LYG2: variants seen among roughly 807,000 people sequenced by gnomAD.
LYG2 encodes lysozyme g-like protein 2.
Under a neutral mutation model 22.4 loss-of-function variants are expected in LYG2, and 25 were observed. The ratio of observed to expected loss-of-function variants is 1.12; its 90% CI spans 0.81 to 1.56. LYG2 has a LOEUF of 1.56. LYG2 is among the 40% of genes most tolerant of loss of function. The pLI is 0.00. For missense variants in LYG2, 266 were observed against 269.5 expected (o/e 0.99, Z 0.09); for synonymous variants, 88 against 97.0 (o/e 0.91, Z 0.55).
chr2:99,261,025 G>C, the LYG2 span, among the ~76,000 whole-genome samples: 5 of 152,158 alleles, frequency 3.3e-5, no homozygotes, highest in Non-Finnish European at 4.4e-5. Context: ...GATGAGTGGG[G>C]TTTACATATG....
At chr2:99,250,431 G>C (rs962858981) in intron 3 of LYG2, among the ~76,000 whole-genome samples, 1 of 143,486 alleles carries the variant, frequency 7.0e-6, no homozygotes, top group African/African-American at 2.6e-5. Context: ...CTGCAGTACA[G>C]TGGTGCGATC....
intron 3 of LYG2, among the ~76,000 whole-genome samples, chr2:99,248,796 G>T (rs1379933816): frequency 4.0e-5 from 6 of 150,864 alleles, no homozygotes; most frequent in Admixed American, 2.0e-4. Flanking sequence ...AAACCAATTT[G>T]CCTTTGTTTA....
chr2:99,252,772 C>T (rs777916443), intron 3 of LYG2, among the ~76,000 whole-genome samples: 66 of 152,130 alleles, frequency 4.3e-4, no homozygotes, highest in Admixed American at 3.6e-3. Context: ...CTGGGCCGGG[C>T]GTGGTGGCTC....
chr2:99,248,876 T>C (rs1322418508), intron 3 of LYG2, among the ~76,000 whole-genome samples: 1 of 152,104 alleles, frequency 6.6e-6, no homozygotes, highest in African/African-American at 2.4e-5. Context: ...ACTGTGAAGT[T>C]GAGTTCCTAT....
intron 2 of LYG2, among the ~76,000 whole-genome samples, chr2:99,254,781 C>T (rs1339013198): frequency 6.6e-6 from 1 of 152,110 alleles, no homozygotes; most frequent in African/African-American, 2.4e-5. Context: ...GCGATCCTCC[C>T]ACCTCAGCCT....
intron 4 of LYG2, among the ~76,000 whole-genome samples, chr2:99,246,122 T>A (rs1184033419): frequency 6.6e-6 from 1 of 152,042 alleles, no homozygotes; most frequent in African/African-American, 2.4e-5. Context: ...ACAAAAAAAA[T>A]TCTGCCACAC....
At position 99,244,009 on chromosome 2, in the gene LYG2, C is replaced by T; in HGVS notation, c.510G>A (p.Gln170=). 6.2e-7 allele frequency: 1 copy of T among 1,614,076 alleles called. No individual in the cohort carries two copies. The highest frequency in any genetic ancestry group is 8.5e-7 in the Non-Finnish European group (1 of 1,179,986). The change falls in exon 6 of 7, where the codon CAG becomes CAA. Residue 170 remains glutamine, a synonymous_variant. Transcript: ENST00000333017. ...QKKFPTWSVA[Q]HLKGGLSAFK... ...CAGAATACAGCCTACCTTTGAGGTG[C>T]TGAGCAACACTCCACGTGGGGAATT...
chr2:99,251,950 C>T (rs1413216210), intron 3 of LYG2, among the ~76,000 whole-genome samples: 1 of 102,294 alleles, frequency 9.8e-6, no homozygotes, highest in Non-Finnish European at 2.2e-5. Flanking sequence ...TGCCTGCCAC[C>T]ACACCTGGCT....
intron 3 of LYG2, among the ~76,000 whole-genome samples, chr2:99,248,703 T>C (rs1262091265): frequency 6.6e-6 from 1 of 150,422 alleles, no homozygotes; most frequent in Admixed American, 6.6e-5. Context: ...CTGCACATTG[T>C]GCACATGTAC....
chr2:99,254,217 C>A lies in LYG2; in HGVS notation c.43+1G>T, dbSNP rs2094031923. 1 of 1,613,556 alleles carries A rather than the reference C, an allele frequency of 6.2e-7. No individual in the cohort carries two copies. Among genetic ancestry groups the A allele is most frequent in the South Asian group, 1.1e-5 (1 of 91,072 alleles). On this transcript the variant is annotated splice_donor_variant, in intron 3 of 6. Transcript: ENST00000333017. LOFTEE classifies it high-confidence loss of function. Reference sequence around the variant, plus strand: ...ATGCTAAATCTCAGCCAGTGACTTACCAATGAGGGCAATTAGTCCCCAAAA... The same window carrying A: ...ATGCTAAATCTCAGCCAGTGACTTAACAATGAGGGCAATTAGTCCCCAAAA...
upstream of LYG2, among the ~76,000 whole-genome samples, chr2:99,257,545 T>C (rs540159217): frequency 3.3e-4 from 51 of 152,358 alleles, no homozygotes; most frequent in South Asian, 2.1e-3. Context: ...ACATGTAAGT[T>C]GTACTGTTAT....
rs1343492766 is a variant in LYG2, at chr2:99,243,980, T to G, written c.520+19A>C. ...TCATTCATTGCTCATTTAAACAAAG[T>G]ACTCAGAATACAGCCTACCTTTGAG... is the stretch of plus-strand genomic sequence containing the variant. On this transcript the variant is annotated intron_variant, in intron 6 of 6. Coordinates refer to ENST00000333017, the MANE Select transcript of LYG2 (RefSeq NM_175735.4). The G allele has an allele frequency of 6.2e-7, 1 of 1,613,832 alleles. No homozygotes were observed.
chr2:99,243,453 T>C (rs1194597042), intron 6 of LYG2: 1 of 1,549,940 alleles, frequency 6.5e-7, no homozygotes. Context: ...TGTTGACAGT[T>C]TCTTATAACA....
chr2:99,248,027 A>G (rs2094019364), intron 3 of LYG2, among the ~76,000 whole-genome samples: 1 of 152,234 alleles, frequency 6.6e-6, no homozygotes, highest in Non-Finnish European at 1.5e-5. Flanking sequence ...CAAAACCACA[A>G]TGAGATACCA....
intron 3 of LYG2, among the ~76,000 whole-genome samples, chr2:99,247,034 C>T (rs551343116): frequency 6.6e-6 from 1 of 152,304 alleles, no homozygotes; most frequent in South Asian, 2.1e-4. Flanking sequence ...AATCTGAAAA[C>T]TCTATGCAAA....
At position 99,244,138 on chromosome 2, in the gene LYG2, C is replaced by A; in HGVS notation, c.382-1G>T. The A allele has an allele frequency of 6.2e-7, 1 of 1,611,220 alleles. No individual in the cohort carries two copies. Among genetic ancestry groups the A allele is most frequent in the South Asian group, 1.1e-5 (1 of 90,458 alleles). On this transcript the variant is annotated splice_acceptor_variant, in intron 5 of 6. Coordinates refer to ENST00000333017, the MANE Select transcript of LYG2 (RefSeq NM_175735.4). LOFTEE classifies it high-confidence loss of function. The stretch of plus-strand genomic sequence containing the variant: ...CAGGGTGGTACGTTTGTTTATCAAG[C>A]TAGAAAATTCAGATAATAAAGTCAG...
chr2:99,253,101 A>G (rs1314638769), intron 3 of LYG2, among the ~76,000 whole-genome samples: 3 of 151,094 alleles, frequency 2.0e-5, no homozygotes, highest in African/African-American at 7.3e-5. Flanking sequence ...CACCAGATCT[A>G]CTGCACCAAA....
At position 99,246,681 on chromosome 2, in the gene LYG2, G is replaced by T; in HGVS notation, c.183C>A (p.Cys61Ter). Residue 61 changes from cysteine (C) to a stop codon, truncating the protein, a stop_gained and splice_region_variant, in exon 4 of 7, where the codon TGC (cysteine) becomes TGA (stop). Transcript: ENST00000333017. LOFTEE classifies it high-confidence loss of function. ...ATCDANSVMN[C>*]GIRGSEMFAE... ...TCATTTGCTCTGCTTTTCACTTACC[G>T]CAGTTCATCACACTGTTTGCATCAC... 6.2e-7 allele frequency: 1 copy of T among 1,610,982 alleles called. No homozygotes were observed. Among genetic ancestry groups the T allele is most frequent in the Admixed American group, 1.7e-5 (1 of 59,046 alleles).
At chr2:99,258,044 C>G (rs999865385), upstream of LYG2, among the ~76,000 whole-genome samples, 12 of 152,188 alleles carry the variant, frequency 7.9e-5, no homozygotes, top group African/African-American at 2.9e-4. Flanking sequence ...ACCTCAGGCT[C>G]CCTTGGTCCC....
Sources: gnomAD v4.1 joint callset for allele counts (sites outside exome capture counted in the v4.1 genomes callset) on GRCh38, gnomAD v4.1.1 for gene constraint, MANE v1.5 for transcripts, NCBI Gene and HGNC (gene_info 2026-07-23, HGNC 2026-07-21) for gene names.